SDK1: variants seen among roughly 807,000 people sequenced by gnomAD.
SDK1 encodes the protein sidekick cell adhesion molecule 1.
SDK1 carries 157 observed loss-of-function variants against 245.5 expected under a neutral mutation model. The ratio of observed to expected loss-of-function variants is 0.64; its 90% CI spans 0.56 to 0.73. SDK1 has a LOEUF of 0.73. Among genes scored for constraint, SDK1 ranks in the 30% least tolerant of loss-of-function variants. The pLI is 0.00. For synonymous variants in SDK1, 1,647 were observed against 1,278.5 expected (o/e 1.29, Z -6.15); for missense variants, 3,583 against 3,002.3 (o/e 1.19, Z -4.52).
chr7:3,346,787 ATG>A (rs1182290051), intron 1 of SDK1, among the ~76,000 whole-genome samples: 2 of 90,758 alleles, frequency 2.2e-5, no homozygotes, highest in African/African-American at 9.7e-5. Context: ...ATACATATAT[ATG>A]TATGTGTGTG....
intron 1 of SDK1, among the ~76,000 whole-genome samples, chr7:3,510,827 G>A (rs897185399): frequency 6.6e-6 from 1 of 152,196 alleles, no homozygotes; most frequent in African/African-American, 2.4e-5. Flanking sequence ...CTCTGTAGAT[G>A]TAAATTACCC....
At chr7:3,515,863 A>C (rs1782729573) in intron 1 of SDK1, among the ~76,000 whole-genome samples, 1 of 152,192 alleles carries the variant, frequency 6.6e-6, no homozygotes, top group Admixed American at 6.5e-5. Context: ...ACTAATGAAA[A>C]ATATTCTTCA....
At chr7:4,077,632 T>C (rs1172695254) in intron 21 of SDK1, among the ~76,000 whole-genome samples, 1 of 152,170 alleles carries the variant, frequency 6.6e-6, no homozygotes, top group African/African-American at 2.4e-5. Flanking sequence ...CTCACAATCA[T>C]GGCGGAAGGC....
intron 1 of SDK1, among the ~76,000 whole-genome samples, chr7:3,457,915 C>T (rs1780720541): frequency 6.6e-6 from 1 of 152,158 alleles, no homozygotes; most frequent in Non-Finnish European, 1.5e-5. Context: ...AATGTTTAGA[C>T]ACTTTTGATC....
intron 4 of SDK1, among the ~76,000 whole-genome samples, chr7:3,707,504 G>T (rs1352501725): frequency 2.0e-5 from 3 of 152,192 alleles, no homozygotes; most frequent in African/African-American, 7.2e-5. Flanking sequence ...TCCATATGCT[G>T]ATGAGAAGAA....
intron 4 of SDK1, among the ~76,000 whole-genome samples, chr7:3,769,635 A>G (rs984378404): frequency 1.3e-5 from 2 of 152,132 alleles, no homozygotes; most frequent in Admixed American, 1.3e-4. Context: ...ATTGCACTGG[A>G]ATATCAGGAC....
At chr7:4,238,134 C>G (rs900737273) in intron 42 of SDK1, among the ~76,000 whole-genome samples, 1 of 151,800 alleles carries the variant, frequency 6.6e-6, no homozygotes, top group Non-Finnish European at 1.5e-5. Context: ...GGTTGGAGTG[C>G]ACTGGCACAA....
intron 5 of SDK1, among the ~76,000 whole-genome samples, chr7:3,932,321 T>G (rs1780005274): frequency 6.6e-6 from 1 of 152,182 alleles, no homozygotes; most frequent in Non-Finnish European, 1.5e-5. Context: ...GCTCCCTCCC[T>G]CTCTCTGTCG....
intron 19 of SDK1, among the ~76,000 whole-genome samples, chr7:4,065,881 G>C (rs1207553402): frequency 1.3e-5 from 2 of 152,006 alleles, no homozygotes; most frequent in Non-Finnish European, 1.5e-5. Context: ...GCAGGGGTGA[G>C]ACTTCTCTGT....
chr7:4,159,678 C>T (rs1447906402), intron 31 of SDK1, among the ~76,000 whole-genome samples: 4 of 152,246 alleles, frequency 2.6e-5, no homozygotes, highest in African/African-American at 9.6e-5. Context: ...AGGAGCCGGG[C>T]TGAGCCCCAG....
chr7:4,124,365 C>G (rs1336724203), intron 25 of SDK1, among the ~76,000 whole-genome samples: 1 of 152,178 alleles, frequency 6.6e-6, no homozygotes, highest in African/African-American at 2.4e-5. Context: ...GGGCCCCTCT[C>G]CAGCATCTGG....
Position 4,108,059 on chromosome 7 carries a change from G to A in SDK1, c.3325-2604G>A, listed in dbSNP as rs942519228. 2.6e-5 allele frequency among the ~76,000 whole-genome samples: 4 copies of A among 152,258 alleles called. No homozygotes were observed. The South Asian group carries it at 6.2e-4, about 24-fold the overall frequency. On this transcript the variant is annotated intron_variant, in intron 22 of 44. Transcript: ENST00000404826. ...GCTCCTCTCCACTAGACACTGTGCC[G>A]GGGCCAGAGCTTTCAAGCCAACCTG... is the stretch of plus-strand genomic sequence containing the variant.
chr7:3,824,147 T>C (rs1020658421), intron 5 of SDK1, among the ~76,000 whole-genome samples: 2 of 152,138 alleles, frequency 1.3e-5, no homozygotes, highest in Non-Finnish European at 2.9e-5. Flanking sequence ...GTGTGATGTA[T>C]TGAAGGATGC....
At chr7:3,599,353 T>A (rs868238042) in intron 1 of SDK1, among the ~76,000 whole-genome samples, 1 of 152,184 alleles carries the variant, frequency 6.6e-6, no homozygotes, top group African/African-American at 2.4e-5. Context: ...GCGGATTCTT[T>A]GTATATTCTA....
At chr7:3,607,511 C>T (rs1053586826) in intron 1 of SDK1, among the ~76,000 whole-genome samples, 3 of 152,174 alleles carry the variant, frequency 2.0e-5, no homozygotes, top group African/African-American at 4.8e-5. Context: ...TTTGTGTTCC[C>T]ATTTCATAGA....
At chr7:3,403,347 GTTGC>G (rs1778941752) in intron 1 of SDK1, among the ~76,000 whole-genome samples, 1 of 152,028 alleles carries the variant, frequency 6.6e-6, no homozygotes, top group African/African-American at 2.4e-5. Flanking sequence ...GTGATGAATG[GTTGC>G]TTCTTTCAAA....
intron 4 of SDK1, among the ~76,000 whole-genome samples, chr7:3,776,469 A>G (rs950489660): frequency 6.6e-6 from 1 of 152,206 alleles, no homozygotes; most frequent in African/African-American, 2.4e-5. Context: ...TTCTGGTTCA[A>G]TATTATGAAC....
At chr7:3,893,274 A>G (rs554196737) in intron 5 of SDK1, among the ~76,000 whole-genome samples, 2 of 152,260 alleles carry the variant, frequency 1.3e-5, no homozygotes, top group South Asian at 4.1e-4. Flanking sequence ...GATTAGGAAT[A>G]TGGGCACGGG....
chr7:3,965,021 G>C (rs544825049), intron 9 of SDK1, among the ~76,000 whole-genome samples: 6 of 152,322 alleles, frequency 3.9e-5, no homozygotes, highest in Non-Finnish European at 7.3e-5. Flanking sequence ...TTGCAATCGT[G>C]AGCTGGGACG....
Sources: gnomAD v4.1 joint callset for allele counts (sites outside exome capture counted in the v4.1 genomes callset) on GRCh38, gnomAD v4.1.1 for gene constraint, MANE v1.5 for transcripts, NCBI Gene and HGNC (gene_info 2026-07-23, HGNC 2026-07-21) for gene names.